PPFIA2: variants seen among roughly 807,000 people sequenced by gnomAD.
PPFIA2 encodes the protein PPFI scaffold protein A2.
A neutral mutation model predicts 175.5 loss-of-function variants in PPFIA2; 46 were observed. The ratio of observed to expected loss-of-function variants is 0.26; its 90% CI spans 0.21 to 0.34. The LOEUF is 0.34. PPFIA2 is among the 10% of genes least tolerant of loss of function. The pLI, the probability that PPFIA2 is intolerant of heterozygous loss-of-function variation, is 1.00. For synonymous variants in PPFIA2, 568 were observed against 511.4 expected (o/e 1.11, Z -1.49); for missense variants, 1,179 against 1,506.1 (o/e 0.78, Z 3.60).
In PPFIA2 at chr12:81,266,945, G is replaced by A; in HGVS notation, c.3555+7C>T. 1.3e-6 allele frequency: 2 copies of A among 1,599,128 alleles called. No homozygotes were observed. Among genetic ancestry groups the A allele is most frequent in the Non-Finnish European group, 1.7e-6 (2 of 1,167,080 alleles). On this transcript the variant is annotated splice_region_variant and intron_variant, in intron 30 of 32. Coordinates refer to ENST00000549396, the MANE Select transcript of PPFIA2 (RefSeq NM_003625.5). ...TCAGATCTCTTTTGAATAACAGGTGGACTTACTTCATCCAGTCGCCTTTCA... is the reference window on the plus strand; with the variant it reads ...TCAGATCTCTTTTGAATAACAGGTGAACTTACTTCATCCAGTCGCCTTTCA...
intron 22 of PPFIA2, among the ~76,000 whole-genome samples, chr12:81,316,559 A>G (rs940176476): frequency 2.0e-5 from 3 of 151,592 alleles, no homozygotes; most frequent in African/African-American, 7.2e-5. Context: ...TATATCAAAC[A>G]TTGGAACATT....
At chr12:81,309,202 C>T (rs886875264) in intron 22 of PPFIA2, among the ~76,000 whole-genome samples, 2 of 151,996 alleles carry the variant, frequency 1.3e-5, no homozygotes, top group African/African-American at 4.8e-5. Flanking sequence ...AAATTTCAAC[C>T]AAAGAATGGA....
At chr12:81,591,929 C>G (rs1161720000) in intron 4 of PPFIA2, among the ~76,000 whole-genome samples, 4 of 152,120 alleles carry the variant, frequency 2.6e-5, no homozygotes, top group Non-Finnish European at 4.4e-5. Flanking sequence ...GATCCACTGA[C>G]ACCTTGCACT....
intron 8 of PPFIA2, among the ~76,000 whole-genome samples, chr12:81,398,461 T>A (rs1431751046): frequency 6.6e-6 from 1 of 151,666 alleles, no homozygotes; most frequent in African/African-American, 2.4e-5. Context: ...TTATGCTGCC[T>A]TTTCCCTCCA....
chr12:81,753,546 T>C (rs1597236553), intron 3 of PPFIA2, among the ~76,000 whole-genome samples: 1 of 149,406 alleles, frequency 6.7e-6, no homozygotes, highest in East Asian at 1.9e-4. Context: ...AAAACAATAG[T>C]TGGACACGAG....
chr12:81,661,826 G>T (rs1470938278), intron 4 of PPFIA2, among the ~76,000 whole-genome samples: 1 of 152,108 alleles, frequency 6.6e-6, no homozygotes, highest in Admixed American at 6.6e-5. Flanking sequence ...AAATCTAAAA[G>T]AACAGAAATT....
chr12:81,284,197 C>A (rs1397781084), intron 25 of PPFIA2, 44 bp downstream of exon 25: 2 of 1,442,468 alleles, frequency 1.4e-6, no homozygotes, highest in African/African-American at 1.4e-5. Flanking sequence ...CAAAGAGCAG[C>A]AAAGTCACTT....
intron 3 of PPFIA2, among the ~76,000 whole-genome samples, chr12:81,745,951 T>C (rs2083005201): frequency 6.8e-6 from 1 of 146,322 alleles, no homozygotes; most frequent in South Asian, 2.2e-4. Context: ...AACAAACAGC[T>C]TTCCAAAACA....
At chr12:81,572,808 G>A (rs192333994) in intron 4 of PPFIA2, among the ~76,000 whole-genome samples, 208 of 151,978 alleles carry the variant, frequency 1.4e-3, no homozygotes, top group Non-Finnish European at 1.3e-3. Flanking sequence ...TAAAGAAGGC[G>A]AGCCTGAGAT....
At chr12:81,352,463 G>T (rs1169425019) in intron 17 of PPFIA2, among the ~76,000 whole-genome samples, 1 of 150,884 alleles carries the variant, frequency 6.6e-6, no homozygotes, top group Non-Finnish European at 1.5e-5. Flanking sequence ...CTGTCTTTCT[G>T]CCTCCCACTG....
At chr12:81,592,373 G>A (rs937227285) in intron 4 of PPFIA2, among the ~76,000 whole-genome samples, 1 of 152,132 alleles carries the variant, frequency 6.6e-6, no homozygotes, top group African/African-American at 2.4e-5. Context: ...GGGAAGGCAT[G>A]ATTGGTTTTA....
chr12:81,656,206 C>T (rs766664810), intron 4 of PPFIA2, among the ~76,000 whole-genome samples: 22 of 151,922 alleles, frequency 1.4e-4, no homozygotes, highest in African/African-American at 4.1e-4. Context: ...ATCTTTGTGG[C>T]GTATTTTAGA....
rs763386940 is a variant in PPFIA2, at chr12:81,630,894, TATATA to T, written c.303+45892_303+45896del. ...TCTATGGAAAGGCTATATATATATA[TATATA>T]TTTTTTTTTTTTTTCCAGACAGAGT... is the stretch of plus-strand genomic sequence containing the variant. On this transcript the variant is annotated intron_variant, in intron 4 of 32. Coordinates refer to ENST00000549396, the MANE Select transcript of PPFIA2 (RefSeq NM_003625.5). Among the ~76,000 whole-genome samples the T allele has an allele frequency of 4.3e-4, 26 of 60,620 alleles. No homozygotes were observed. In the East Asian group the frequency reaches 5.2e-3, roughly 12 times the overall value. 39.8% of individuals were successfully genotyped at this position (60,620 alleles called of 152,430 possible).
intron 8 of PPFIA2, among the ~76,000 whole-genome samples, chr12:81,395,555 T>C (rs1246842806): frequency 6.6e-6 from 1 of 151,794 alleles, no homozygotes; most frequent in Admixed American, 6.6e-5. Context: ...TCCCTTTCTC[T>C]CTCTCTCTCT....
chr12:81,619,280 T>C (rs2153478385), intron 4 of PPFIA2, among the ~76,000 whole-genome samples: 1 of 152,328 alleles, frequency 6.6e-6, no homozygotes, highest in South Asian at 2.1e-4. Context: ...ATTAGTGAAA[T>C]AGATCTATAA....
chr12:81,676,827 T>G lies in PPFIA2; in HGVS notation c.267A>C (p.Thr89=). The part of the protein sequence containing the change: ...SALPQDIESL[T]GGLAGSKGAD... ...CCCCCTTAGAACCAGCCAGCCCTCC[T>G]GTTAGGGATTCGATATCCTGAAAAG... The change falls in exon 4 of 33, where the codon ACA becomes ACC. Residue 89 remains threonine, a synonymous_variant. Coordinates refer to ENST00000549396, the MANE Select transcript of PPFIA2 (RefSeq NM_003625.5). The G allele has an allele frequency of 6.4e-7, 1 of 1,564,660 alleles. No individual in the cohort carries two copies. Among genetic ancestry groups the G allele is most frequent in the South Asian group, 1.2e-5 (1 of 83,808 alleles).
intron 4 of PPFIA2, among the ~76,000 whole-genome samples, chr12:81,570,425 A>G (rs1201683754): frequency 6.6e-6 from 1 of 152,128 alleles, no homozygotes; most frequent in Non-Finnish European, 1.5e-5. Flanking sequence ...TGTGTTGCCA[A>G]ATCGTGAAAT....
chr12:81,721,076 TA>T (rs529352181), intron 3 of PPFIA2, among the ~76,000 whole-genome samples: 2,343 of 115,686 alleles, frequency 0.02, 40 homozygotes, highest in African/African-American at 0.056. Context: ...GCGTCCTAGC[TA>T]AAAAAAAAAA....
chr12:81,410,898 G>C (rs1178187749), intron 7 of PPFIA2, among the ~76,000 whole-genome samples: 4 of 152,078 alleles, frequency 2.6e-5, no homozygotes, highest in Non-Finnish European at 5.9e-5. Flanking sequence ...ACATGGAAGA[G>C]ATGAGGCCCT....
Sources: gnomAD v4.1 joint callset for allele counts (sites outside exome capture counted in the v4.1 genomes callset) on GRCh38, gnomAD v4.1.1 for gene constraint, MANE v1.5 for transcripts, NCBI Gene and HGNC (gene_info 2026-07-23, HGNC 2026-07-21) for gene names.